The following BTBD2 variants were observed in gnomAD, a reference collection of about 807,000 sequenced individuals.
BTBD2 encodes BTB domain containing 2.
A neutral mutation model predicts 44.0 loss-of-function variants in BTBD2; 15 were observed. The ratio of observed to expected loss-of-function variants is 0.34; its 90% CI spans 0.23 to 0.53. The LOEUF (loss-of-function observed/expected upper bound fraction) is 0.53, where lower values mean the gene tolerates loss of function less well. Ranked by LOEUF, BTBD2 falls within the 20% of genes least tolerant of loss-of-function variation. The pLI, the probability that BTBD2 is intolerant of heterozygous loss-of-function variation, is 0.95. For synonymous variants in BTBD2, 443 were observed against 335.9 expected (o/e 1.32, Z -3.49); for missense variants, 657 against 746.4 (o/e 0.88, Z 1.39).
Position 1,987,189 on chromosome 19 carries a change from T to C in BTBD2, c.1246A>G (p.Thr416Ala), listed in dbSNP as rs536766870. The C allele has an allele frequency of 6.2e-7, 1 of 1,613,684 alleles. No individual in the cohort carries two copies. The highest frequency in any genetic ancestry group is 2.2e-5 in the East Asian group (1 of 44,868). ...FGLYGSIHGP[T>A]DYQVNIQIIH... ...ACCTGGATGTTCACTTGGTAGTCGG[T>C]GGGCCCGTGGATGGATCCATACAGC... The change falls in exon 7 of 9, where the codon ACC (threonine) becomes GCC (alanine). Residue 416 changes from threonine to alanine, a missense_variant. Thr to Ala is a moderately conservative substitution (Grantham distance 58, BLOSUM62 0). Coordinates refer to ENST00000255608, the MANE Select transcript of BTBD2 (RefSeq NM_017797.4).
In BTBD2 at chr19:1,986,331, A is replaced by T; in HGVS notation, c.*157T>A. On this transcript the variant is annotated 3_prime_UTR_variant, in exon 9 of 9. Transcript: ENST00000255608. ...GCCACACTCGTGGTGAACACAGGGC[A>T]ACCCCGTCCTGATGCTGAGAAAGGT... The T allele has an allele frequency of 2.1e-6, 2 of 957,104 alleles. No individual in the cohort carries two copies. Among genetic ancestry groups the T allele is most frequent in the Non-Finnish European group, 3.1e-6 (2 of 641,232 alleles). 59.3% of individuals were successfully genotyped at this position (957,104 alleles called of 1,614,324 possible). A position where few individuals can be genotyped will look rare whatever the true frequency, so the allele number is the denominator to read the frequency against.
intron 1 of BTBD2, among the ~76,000 whole-genome samples, chr19:2,009,922 G>C (rs1312884555): frequency 6.6e-6 from 1 of 152,126 alleles, no homozygotes; most frequent in Non-Finnish European, 1.5e-5. Flanking sequence ...GGGAGGCCGA[G>C]GTGGGCGGAT....
rs1046194827 is a variant in BTBD2 at position 1,986,831 on chromosome 19, T to C, written c.1415A>G (p.Lys472Arg). The change falls in exon 8 of 9, where the codon AAG (lysine) becomes AGG (arginine). Residue 472 changes from lysine to arginine, a missense_variant and splice_region_variant. Coordinates refer to ENST00000255608, the MANE Select transcript of BTBD2 (RefSeq NM_017797.4). ...NVNYTACATLKGPDSHYGTKG... is the reference protein window; with the variant it reads ...NVNYTACATLRGPDSHYGTKG... ...GGACCCCTGTCCCCGGCGGCGCACCTTGAGCGTGGCACAGGCCGTGTAGTT... is the reference window on the plus strand; with the variant it reads ...GGACCCCTGTCCCCGGCGGCGCACCCTGAGCGTGGCACAGGCCGTGTAGTT... 1.7e-5 allele frequency: 28 copies of C among 1,603,706 alleles called. No homozygotes were observed. Among genetic ancestry groups the C allele is most frequent in the Non-Finnish European group, 2.4e-5 (28 of 1,174,594 alleles).
Position 1,998,973 on chromosome 19 carries a change from G to A in BTBD2, c.408-1510C>T, listed in dbSNP as rs185290030. On this transcript the variant is annotated intron_variant, in intron 1 of 8. Transcript: ENST00000255608. ...TGCCGGCTCTCAACAGCCTCCCCAC[G>A]CCCGGAAAGCTCCGGAGCTACAGGT... 2.1e-3 allele frequency among the ~76,000 whole-genome samples: 323 copies of A among 152,044 alleles called. 1 individual carries two copies. Among genetic ancestry groups the A allele is most frequent in the African/African-American group, 7.4e-3 (307 of 41,448 alleles).
intron 5 of BTBD2, chr19:1,988,000 G>A (rs1337081083): frequency 3.2e-5 from 11 of 340,328 alleles, no homozygotes; most frequent in East Asian, 5.5e-5. Context: ...GGGACCACCC[G>A]TCACTTCACT....
chr19:1,993,666 G>T (rs562496200), intron 2 of BTBD2, among the ~76,000 whole-genome samples: 1 of 152,070 alleles, frequency 6.6e-6, no homozygotes, highest in Non-Finnish European at 1.5e-5. Context: ...GGGCCCACAC[G>T]ACACTGAATA....
intron 5 of BTBD2, chr19:1,987,908 T>TA (rs1298216958): frequency 8.8e-6 from 5 of 565,382 alleles, no homozygotes; most frequent in African/African-American, 3.8e-5. Flanking sequence ...GGCCGACAGA[T>TA]ACGCTCACTC....
chr19:2,006,666 C>T (rs2016398714), intron 1 of BTBD2, among the ~76,000 whole-genome samples: 1 of 151,994 alleles, frequency 6.6e-6, no homozygotes, highest in South Asian at 2.1e-4. Flanking sequence ...GTGAATCTGG[C>T]CCACCACTTG....
chr19:2,002,876 CAAAAAAAAAAAAAAA>C (rs56289592), intron 1 of BTBD2: 1 of 102,748 alleles, frequency 9.7e-6, no homozygotes, highest in Non-Finnish European at 2.1e-5. Flanking sequence ...GACTCCGTCT[CAAAAAAAAAAAAAAA>C]AAAGAAAAAA....
At chr19:1,995,757 C>T (rs1311395482) in intron 2 of BTBD2, among the ~76,000 whole-genome samples, 2 of 151,756 alleles carry the variant, frequency 1.3e-5, no homozygotes, top group African/African-American at 4.8e-5. Flanking sequence ...CTGCCTCAGC[C>T]TCCCAAGTAG....
At chr19:1,987,941 A>G (rs1354768964) in intron 5 of BTBD2, 1 of 519,470 alleles carries the variant, frequency 1.9e-6, no homozygotes, top group African/African-American at 1.9e-5. Context: ...TCAGGGTCTG[A>G]CAGATGCACT....
At chr19:1,989,938 G>C (rs2016149111) in intron 5 of BTBD2, 66 bp downstream of exon 5, 1 of 1,567,086 alleles carries the variant, frequency 6.4e-7, no homozygotes, top group East Asian at 2.3e-5. Flanking sequence ...ACTATCCTCG[G>C]TACCCAGATG....
chr19:1,986,401 C>T lies in BTBD2; in HGVS notation c.*87G>A, dbSNP rs534042756. ...GCCTGGGGGACACTGGGCCTGGCAC[C>T]GCGTGGTGGGGGGGCCCCAGCAGCA... is the stretch of plus-strand genomic sequence containing the variant. On this transcript the variant is annotated 3_prime_UTR_variant, in exon 9 of 9. Transcript: ENST00000255608. 1.9e-5 allele frequency: 29 copies of T among 1,527,778 alleles called. No individual in the cohort carries two copies. Among genetic ancestry groups the T allele is most frequent in the Admixed American group, 1.5e-4 (9 of 58,330 alleles). 94.6% of individuals were successfully genotyped at this position (1,527,778 alleles called of 1,614,324 possible). A position where few individuals can be genotyped will look rare whatever the true frequency, so the allele number is the denominator to read the frequency against.
chr19:1,998,358 G>C (rs950495301), intron 1 of BTBD2, among the ~76,000 whole-genome samples: 1 of 152,222 alleles, frequency 6.6e-6, no homozygotes, highest in African/African-American at 2.4e-5. Context: ...GCCCAGGGAA[G>C]CCCTGTGGGG....
In BTBD2 at chr19:2,008,790, C is replaced by T. The variant is rs189029029; in HGVS notation, c.407+6507G>A. ...CTCGCTATATTGGCCAGACTGGTCT[C>T]GAACTCCTGGGGTCAAGTGATCCTC... On this transcript the variant is annotated intron_variant, in intron 1 of 8. Transcript: ENST00000255608. 2.7e-3 allele frequency among the ~76,000 whole-genome samples: 417 copies of T among 151,864 alleles called. 5 individuals are homozygous for T. Among genetic ancestry groups the T allele is most frequent in the African/African-American group, 9.4e-3 (390 of 41,394 alleles).
intron 1 of BTBD2, among the ~76,000 whole-genome samples, chr19:2,012,871 T>C (rs2016484976): frequency 6.6e-6 from 1 of 151,662 alleles, no homozygotes; most frequent in African/African-American, 2.4e-5. Context: ...ACCTCCCCCC[T>C]CAAACAGAAA....
chr19:1,994,146 C>T (rs2016220282), intron 2 of BTBD2, among the ~76,000 whole-genome samples: 1 of 150,832 alleles, frequency 6.6e-6, no homozygotes, highest in Admixed American at 6.6e-5. Flanking sequence ...GCAAAATCCC[C>T]CTCTACTAAA....
intron 1 of BTBD2, 35 bp from the exon 2 acceptor site, chr19:1,997,498 G>A (rs377380556): frequency 9.7e-5 from 156 of 1,611,638 alleles, no homozygotes; most frequent in Non-Finnish European, 1.2e-4. Flanking sequence ...GGTTAAGCCC[G>A]TGGCCGCCAC....
At position 1,987,667 on chromosome 19, in the gene BTBD2, C is replaced by T. The variant is rs779612651; in HGVS notation, c.1014G>A (p.Val338=). Residue 338 remains valine, a synonymous_variant, in exon 6 of 9, where the codon GTG becomes GTA. Coordinates refer to ENST00000255608, the MANE Select transcript of BTBD2 (RefSeq NM_017797.4). The part of the protein sequence containing the change: ...AAGPAQSGIL[V]DREVVSLFLH... The stretch of plus-strand genomic sequence containing the variant: ...GGAAGAGGCTGACCACCTCGCGGTC[C>T]ACCAGGATGCCCGACTGTGCGGGAC... The T allele has an allele frequency of 6.2e-7, 1 of 1,607,366 alleles. No individual in the cohort carries two copies. Among genetic ancestry groups the T allele is most frequent in the South Asian group, 1.1e-5 (1 of 90,224 alleles).
Sources: allele counts gnomAD v4.1 joint callset (sites outside exome capture counted in the v4.1 genomes callset), GRCh38; gene constraint gnomAD v4.1.1; transcripts MANE v1.5; gene names NCBI Gene and HGNC (gene_info 2026-07-23, HGNC 2026-07-21).